TSHZ3: variants seen among roughly 807,000 people sequenced by gnomAD.
TSHZ3 encodes teashirt zinc finger homeobox 3.
TSHZ3 carries 10 observed loss-of-function variants against 64.5 expected under a neutral mutation model. That is an observed-to-expected ratio of 0.16 (90% CI 0.10 to 0.26). The LOEUF (loss-of-function observed/expected upper bound fraction) is 0.26, where lower values mean the gene tolerates loss of function less well. Ranked by LOEUF, TSHZ3 falls within the 10% of genes least tolerant of loss-of-function variation. The pLI, the probability that TSHZ3 is intolerant of heterozygous loss-of-function variation, is 1.00. For missense variants in TSHZ3, 1,242 were observed against 1,421.7 expected (o/e 0.87, Z 2.03); for synonymous variants, 608 against 593.1 (o/e 1.03, Z -0.36).
In TSHZ3 at chr19:31,286,736, G is replaced by T. The variant is rs573570708; in HGVS notation, c.41-6984C>A. Among the ~76,000 whole-genome samples, 20 of 152,272 alleles carry T rather than the reference G, an allele frequency of 1.3e-4. No individual in the cohort carries two copies. In the East Asian group the frequency reaches 3.5e-3, roughly 27 times the overall value. ...CCCGGAATGAGGAGTGGGCAGCCAC[G>T]CAGAACCTTCTCAATTCCCCCATTG... On this transcript the variant is annotated intron_variant, in intron 1 of 1. Coordinates refer to ENST00000240587, the MANE Select transcript of TSHZ3 (RefSeq NM_020856.4).
At chr19:31,303,997 T>C (rs905283757) in intron 1 of TSHZ3, among the ~76,000 whole-genome samples, 40 of 150,636 alleles carry the variant, frequency 2.7e-4, no homozygotes, top group African/African-American at 9.8e-4. Flanking sequence ...TTTTTTGAGA[T>C]GGAGTCTTGC....
At chr19:31,254,823 T>C (rs150354715) in intron 1 of TSHZ3, among the ~76,000 whole-genome samples, 270 of 152,212 alleles carry the variant, frequency 1.8e-3, no homozygotes, top group Middle Eastern at 0.01. Context: ...ATGAATCCTC[T>C]TAGTCATTCC....
chr19:31,286,659 G>A lies in TSHZ3; in HGVS notation c.41-6907C>T, dbSNP rs1401396300. Among the ~76,000 whole-genome samples the A allele has an allele frequency of 2.0e-5, 3 of 152,220 alleles. No homozygotes were observed. In the East Asian group the frequency reaches 5.8e-4, roughly 29 times the overall value. Reference sequence around the variant, plus strand: ...GCCTGAACTCCTAAGACCCACACCCGGGGTCCAGTGTCAGGGGACCACACA... The same window carrying A: ...GCCTGAACTCCTAAGACCCACACCCAGGGTCCAGTGTCAGGGGACCACACA... On this transcript the variant is annotated intron_variant, in intron 1 of 1. Transcript: ENST00000240587.
At chr19:31,257,466 C>CCAGCCAATCGAAGGACA (rs1376660547) in intron 1 of TSHZ3, among the ~76,000 whole-genome samples, 2 of 152,186 alleles carry the variant, frequency 1.3e-5, no homozygotes, top group Admixed American at 6.5e-5. Flanking sequence ...CAGCAGATGC[C>CCAGCCAATCGAAGGACA]CAGCCAATCG....
intron 1 of TSHZ3, among the ~76,000 whole-genome samples, chr19:31,254,593 G>C (rs1309975204): frequency 1.3e-5 from 2 of 152,202 alleles, no homozygotes. Flanking sequence ...TTTGTAAACA[G>C]ATACCGTTCA....
rs180681601 is a variant in TSHZ3, at chr19:31,192,484, T to C, written n.809+12472A>G. On this transcript the variant is annotated intron_variant and non_coding_transcript_variant, in intron 5 of 6. Transcript: ENST00000651361. The stretch of plus-strand genomic sequence containing the variant: ...CTCTGTCAAGGTCAGACCTGGACAT[T>C]AGTGCATGATTTGCACTTAATAGAT... Among the ~76,000 whole-genome samples the C allele has an allele frequency of 3.2e-3, 485 of 152,346 alleles. 4 individuals carry two copies. The highest frequency in any genetic ancestry group is 0.011 in the African/African-American group (456 of 41,576).
chr19:31,348,564 G>C (rs1481715793), intron 1 of TSHZ3, among the ~76,000 whole-genome samples: 2 of 151,994 alleles, frequency 1.3e-5, no homozygotes, highest in East Asian at 1.9e-4. Context: ...GTACAAGGAG[G>C]GGGTGGGGGC....
chr19:31,211,620 C>A (rs1182011829), intron 4 of TSHZ3, among the ~76,000 whole-genome samples: 1 of 152,186 alleles, frequency 6.6e-6, no homozygotes, highest in Non-Finnish European at 1.5e-5. Flanking sequence ...TGAGGCAGAC[C>A]AGCCCAGTAG....
chr19:31,217,470 C>CT (rs1975349503), intron 4 of TSHZ3, among the ~76,000 whole-genome samples: 1 of 151,954 alleles, frequency 6.6e-6, no homozygotes, highest in Non-Finnish European at 1.5e-5. Context: ...TCTAATTTAC[C>CT]TTTAAAAAAA....
chr19:31,286,718 T>C (rs1976470755), intron 1 of TSHZ3, among the ~76,000 whole-genome samples: 1 of 152,158 alleles, frequency 6.6e-6, no homozygotes, highest in Non-Finnish European at 1.5e-5. Context: ...GTCCCCGGAA[T>C]GAGGAGTGGG....
chr19:31,200,567 G>C (rs1369821419), intron 5 of TSHZ3, among the ~76,000 whole-genome samples: 1 of 152,198 alleles, frequency 6.6e-6, no homozygotes, highest in Non-Finnish European at 1.5e-5. Flanking sequence ...GTCCAGTGGA[G>C]GAATGGAGGG....
At chr19:31,290,330 C>T (rs976172660) in intron 1 of TSHZ3, among the ~76,000 whole-genome samples, 8 of 152,064 alleles carry the variant, frequency 5.3e-5, no homozygotes, top group Non-Finnish European at 1.2e-4. Flanking sequence ...GGCTCTTGAC[C>T]GGGAGGGGCT....
intron 1 of TSHZ3, among the ~76,000 whole-genome samples, chr19:31,306,736 T>C (rs934916039): frequency 6.6e-6 from 1 of 152,190 alleles, no homozygotes; most frequent in African/African-American, 2.4e-5. Context: ...ATTATGCTTC[T>C]AAATATGTTC....
At chr19:31,177,016 A>G (rs1974619103) in intron 5 of TSHZ3, among the ~76,000 whole-genome samples, 1 of 152,162 alleles carries the variant, frequency 6.6e-6, no homozygotes, top group Non-Finnish European at 1.5e-5. Flanking sequence ...GCCACTCGTA[A>G]GAATGTACCT....
At chr19:31,294,111 G>A (rs1976622852) in intron 1 of TSHZ3, among the ~76,000 whole-genome samples, 1 of 152,162 alleles carries the variant, frequency 6.6e-6, no homozygotes, top group Non-Finnish European at 1.5e-5. Context: ...GAGAGAAGAT[G>A]TTCCCAGTGA....
chr19:31,350,450 C>A (rs1472169509), upstream of TSHZ3, among the ~76,000 whole-genome samples: 3 of 151,316 alleles, frequency 2.0e-5, no homozygotes, highest in Admixed American at 6.5e-5. Context: ...CGCCCCCCAT[C>A]CACGGCGCGG....
chr19:31,309,246 A>G (rs1284279889), intron 1 of TSHZ3, among the ~76,000 whole-genome samples: 1 of 152,246 alleles, frequency 6.6e-6, no homozygotes, highest in African/African-American at 2.4e-5. Context: ...ATATGGGCTA[A>G]CCCACCAGGG....
intron 1 of TSHZ3, among the ~76,000 whole-genome samples, chr19:31,301,150 T>TG (rs201587177): frequency 0.016 from 2,405 of 151,936 alleles, 30 homozygotes; most frequent in Admixed American, 0.023. Context: ...GAAGGCTGGG[T>TG]GGGGGCCTAT....
intron 1 of TSHZ3, among the ~76,000 whole-genome samples, chr19:31,283,644 T>C (rs1442863363): frequency 6.6e-6 from 1 of 152,218 alleles, no homozygotes; most frequent in African/African-American, 2.4e-5. Flanking sequence ...CTTCCTCGGC[T>C]ACATGTCTAT....
Sources: allele counts gnomAD v4.1 joint callset (sites outside exome capture counted in the v4.1 genomes callset), GRCh38; gene constraint gnomAD v4.1.1; transcripts MANE v1.5; gene names NCBI Gene and HGNC (gene_info 2026-07-23, HGNC 2026-07-21).